Variants in CSMD3 observed in about 807,000 individuals in gnomAD.
CSMD3 encodes the protein CUB and Sushi multiple domains 3.
CSMD3 carries 177 observed loss-of-function variants against 435.2 expected under a neutral mutation model. The observed-to-expected ratio is 0.41, with a 90% CI of 0.36 to 0.46. CSMD3 has a LOEUF of 0.46. Among genes scored for constraint, CSMD3 ranks in the 20% least tolerant of loss-of-function variants. CSMD3 has a pLI of 0.34. For missense variants in CSMD3, 4,265 were observed against 4,504.6 expected (o/e 0.95, Z 1.52); for synonymous variants, 1,656 against 1,520.5 (o/e 1.09, Z -2.07).
intron 5 of CSMD3, among the ~76,000 whole-genome samples, chr8:113,073,865 G>A (rs1177367395): frequency 1.3e-5 from 2 of 151,538 alleles, no homozygotes; most frequent in African/African-American, 4.8e-5. Flanking sequence ...TTAATTACAG[G>A]CTTTGCTCTA....
intron 10 of CSMD3, among the ~76,000 whole-genome samples, chr8:112,920,098 C>G (rs970273333): frequency 1.3e-5 from 2 of 151,688 alleles, no homozygotes; most frequent in Non-Finnish European, 2.9e-5. Flanking sequence ...GCCAGTACGA[C>G]ATGATGAGGT....
chr8:113,070,182 C>T (rs182696523), intron 5 of CSMD3, among the ~76,000 whole-genome samples: 5 of 152,114 alleles, frequency 3.3e-5, no homozygotes, highest in South Asian at 4.1e-4. Context: ...ATTTCTACCA[C>T]GTATGCTTTT....
intron 1 of CSMD3, among the ~76,000 whole-genome samples, chr8:113,412,563 T>A (rs2094564230): frequency 1.3e-5 from 2 of 152,150 alleles, no homozygotes; most frequent in African/African-American, 4.8e-5. Context: ...TGATAAAAGA[T>A]GATATATCAA....
At chr8:113,013,989 C>T (rs1362858300) in intron 6 of CSMD3, among the ~76,000 whole-genome samples, 2 of 152,114 alleles carry the variant, frequency 1.3e-5, no homozygotes, top group Non-Finnish European at 2.9e-5. Context: ...TGGTGCAGAA[C>T]ATAGATTGCA....
At chr8:112,385,402 CAAT>C (rs1164427135) in intron 36 of CSMD3, among the ~76,000 whole-genome samples, 1 of 152,056 alleles carries the variant, frequency 6.6e-6, no homozygotes, top group African/African-American at 2.4e-5. Flanking sequence ...GGGAGAAACT[CAAT>C]AAAAAACTAA....
intron 9 of CSMD3, among the ~76,000 whole-genome samples, chr8:112,945,141 C>T (rs1269183746): frequency 1.3e-5 from 2 of 151,594 alleles, no homozygotes; most frequent in Non-Finnish European, 3.0e-5. Flanking sequence ...TCATGTTGTT[C>T]AAGCCTTGAA....
At chr8:112,666,663 T>C (rs1015825615) in intron 16 of CSMD3, among the ~76,000 whole-genome samples, 4 of 152,164 alleles carry the variant, frequency 2.6e-5, no homozygotes, top group African/African-American at 9.6e-5. Context: ...TGCTCCTCCT[T>C]AAGTCTCTGA....
intron 4 of CSMD3, among the ~76,000 whole-genome samples, chr8:113,171,065 T>G (rs1209734708): frequency 6.6e-6 from 1 of 152,016 alleles, no homozygotes; most frequent in African/African-American, 2.4e-5. Context: ...AGAAGGACAT[T>G]TGATATTATT....
At chr8:112,907,640 C>T (rs1457936090) in intron 10 of CSMD3, among the ~76,000 whole-genome samples, 4 of 151,180 alleles carry the variant, frequency 2.6e-5, no homozygotes, top group Admixed American at 2.0e-4. Flanking sequence ...ACTAAAGGGG[C>T]ATGTTGGGAG....
intron 32 of CSMD3, among the ~76,000 whole-genome samples, chr8:112,426,258 G>A (rs551434032): frequency 1.7e-4 from 26 of 152,140 alleles, no homozygotes; most frequent in Non-Finnish European, 2.6e-4. Context: ...GGGAGTGAGG[G>A]TGAAAACTTT....
chr8:112,849,987 A>T (rs768458880), intron 11 of CSMD3, among the ~76,000 whole-genome samples: 3 of 151,938 alleles, frequency 2.0e-5, no homozygotes, highest in Non-Finnish European at 2.9e-5. Flanking sequence ...TCTCTCTCTG[A>T]CTCTATTTCC....
chr8:113,117,482 A>C (rs1199078959), intron 4 of CSMD3, among the ~76,000 whole-genome samples: 3 of 152,202 alleles, frequency 2.0e-5, no homozygotes, highest in Non-Finnish European at 4.4e-5. Context: ...CTCATAAAGA[A>C]TCTCTGCTAG....
At chr8:112,954,348 C>G (rs906859580) in intron 8 of CSMD3, among the ~76,000 whole-genome samples, 1 of 151,246 alleles carries the variant, frequency 6.6e-6, no homozygotes, top group Admixed American at 6.6e-5. Context: ...TACAAGAAAC[C>G]ACCAATTTTA....
rs2130966845 is a variant in CSMD3 at position 112,337,678 on chromosome 8, T to A, written c.6706A>T (p.Ile2236Phe). 6.2e-7 allele frequency: 1 copy of A among 1,613,762 alleles called. No individual in the cohort carries two copies. Among genetic ancestry groups the A allele is most frequent in the Non-Finnish European group, 8.5e-7 (1 of 1,179,728 alleles). Residue 2236 changes from isoleucine to phenylalanine, a missense_variant, in exon 43 of 71, where the codon ATT becomes TTT. Ile to Phe is a conservative substitution (Grantham distance 21). Coordinates refer to ENST00000297405, the MANE Select transcript of CSMD3 (RefSeq NM_198123.2). ...TGACCCACAGTAAAATCATTACCAA[T>A]TACAAAACCATTTCGAAACGGGCGT... ...DPRPFRNGFV[I>F]GNDFTVGQTI...
chr8:112,934,693 A>T (rs1055654042), intron 9 of CSMD3, among the ~76,000 whole-genome samples: 1 of 152,152 alleles, frequency 6.6e-6, no homozygotes, highest in Non-Finnish European at 1.5e-5. Flanking sequence ...CACAGCTACT[A>T]AACAGAAGTG....
chr8:112,260,421 G>C (rs983547974), intron 61 of CSMD3, among the ~76,000 whole-genome samples: 2 of 152,030 alleles, frequency 1.3e-5, no homozygotes, highest in African/African-American at 4.8e-5. Context: ...ACGTACCCAG[G>C]AGCTCTATTA....
At chr8:113,249,744 A>G (rs1323087224) in intron 3 of CSMD3, among the ~76,000 whole-genome samples, 3 of 151,882 alleles carry the variant, frequency 2.0e-5, no homozygotes, top group Non-Finnish European at 2.9e-5. Context: ...ATTTTCCTGT[A>G]CCCTTAAATA....
chr8:112,472,569 T>C, intron 32 of CSMD3, 22 bp downstream of exon 32: 1 of 1,215,332 alleles, frequency 8.2e-7, no homozygotes, highest in Non-Finnish European at 1.2e-6. Flanking sequence ...AAATACTACA[T>C]AATGAGTCGA....
chr8:113,332,648 T>C (rs1170455935), intron 1 of CSMD3, among the ~76,000 whole-genome samples: 1 of 151,636 alleles, frequency 6.6e-6, no homozygotes, highest in African/African-American at 2.4e-5. Context: ...ATGATAGATA[T>C]CCTTTTTTTC....
Sources: gnomAD v4.1 joint callset for allele counts (sites outside exome capture counted in the v4.1 genomes callset) on GRCh38, gnomAD v4.1.1 for gene constraint, MANE v1.5 for transcripts, NCBI Gene and HGNC (gene_info 2026-07-23, HGNC 2026-07-21) for gene names.